Variants in GRIN2B observed in about 807,000 individuals in gnomAD.
GRIN2B encodes glutamate receptor ionotropic, NMDA 2B.
A neutral mutation model predicts 114.5 loss-of-function variants in GRIN2B; 5 were observed. That is an observed-to-expected ratio of 0.04 (90% CI 0.02 to 0.09). The LOEUF is 0.09. Ranked by LOEUF, GRIN2B falls within the 10% of genes least tolerant of loss-of-function variation. The probability of loss-of-function intolerance (pLI) is 1.00; values close to 1 mark genes in which losing one functional copy is unlikely to be tolerated. For synonymous variants in GRIN2B, 787 were observed against 745.1 expected (o/e 1.06, Z -0.92); for missense variants, 1,108 against 1,943.5 (o/e 0.57, Z 8.08).
chr12:13,868,282 A>T (rs982021883), intron 2 of GRIN2B, among the ~76,000 whole-genome samples: 1 of 152,210 alleles, frequency 6.6e-6, no homozygotes. Flanking sequence ...GAATGACTCC[A>T]TGAGCCCTGG....
intron 3 of GRIN2B, among the ~76,000 whole-genome samples, chr12:13,817,141 A>T (rs971723391): frequency 6.6e-6 from 1 of 152,132 alleles, no homozygotes; most frequent in Non-Finnish European, 1.5e-5. Flanking sequence ...AGAAGAATAA[A>T]AGTTTGGAAA....
In GRIN2B at chr12:13,554,748, A is replaced by G. The variant is rs980257193; in HGVS notation, c.*8035T>C. 7 of 152,332 alleles carry G rather than the reference A, an allele frequency of 4.6e-5. No homozygotes were observed. The highest frequency in any genetic ancestry group is 1.7e-4 in the African/African-American group (7 of 41,576). 9.4% of individuals were successfully genotyped at this position (152,332 alleles called of 1,614,324 possible). A position where few individuals can be genotyped will look rare whatever the true frequency, so the allele number is the denominator to read the frequency against. On this transcript the variant is annotated 3_prime_UTR_variant, in exon 14 of 14. Transcript: ENST00000609686. ...AGAAGGAAGGGTCTGAATGAAAAGG[A>G]AAGACTGGAAACCTTAGGGGGAAGA... is the stretch of plus-strand genomic sequence containing the variant.
intron 2 of GRIN2B, among the ~76,000 whole-genome samples, chr12:13,904,323 G>C (rs1866504508): frequency 6.6e-6 from 1 of 151,694 alleles, no homozygotes; most frequent in Non-Finnish European, 1.5e-5. Flanking sequence ...CTTAGTGATT[G>C]TCCTAGAAAT....
chr12:13,572,713 A>T (rs1467640146), intron 10 of GRIN2B, among the ~76,000 whole-genome samples: 1 of 152,190 alleles, frequency 6.6e-6, no homozygotes, highest in African/African-American at 2.4e-5. Context: ...TTGCTTCCTG[A>T]ACACAAAATT....
chr12:13,737,369 C>A (rs535167543), intron 4 of GRIN2B, among the ~76,000 whole-genome samples: 6 of 151,814 alleles, frequency 4.0e-5, no homozygotes, highest in Non-Finnish European at 1.5e-5. Flanking sequence ...CTGACACCAC[C>A]CCTGGCTAAT....
At chr12:13,782,944 G>T (rs1451910172) in intron 3 of GRIN2B, among the ~76,000 whole-genome samples, 1 of 152,188 alleles carries the variant, frequency 6.6e-6, no homozygotes, top group African/African-American at 2.4e-5. Flanking sequence ...GGGATACACT[G>T]TGTAAACACC....
At chr12:13,664,510 A>G (rs1949956097) in intron 5 of GRIN2B, among the ~76,000 whole-genome samples, 2 of 152,200 alleles carry the variant, frequency 1.3e-5, no homozygotes, top group South Asian at 4.1e-4. Flanking sequence ...AAAGTAGAAG[A>G]TAACTATAAA....
At chr12:13,880,763 T>G (rs561782364) in intron 2 of GRIN2B, among the ~76,000 whole-genome samples, 1 of 152,256 alleles carries the variant, frequency 6.6e-6, no homozygotes, top group South Asian at 2.1e-4. Context: ...CACATGAACC[T>G]AAGTACAATG....
At chr12:13,811,936 G>T (rs150326370) in intron 3 of GRIN2B, among the ~76,000 whole-genome samples, 1 of 152,160 alleles carries the variant, frequency 6.6e-6, no homozygotes, top group African/African-American at 2.4e-5. Context: ...AGGGATCCTT[G>T]AATTCCCTGA....
At chr12:13,658,389 C>T (rs1013040811) in intron 5 of GRIN2B, among the ~76,000 whole-genome samples, 1 of 152,046 alleles carries the variant, frequency 6.6e-6, no homozygotes, top group Non-Finnish European at 1.5e-5. Flanking sequence ...ATACTTTTGA[C>T]ATCAGACACA....
At chr12:13,866,323 T>C in intron 2 of GRIN2B, 97 bp from the exon 3 acceptor site, 1 of 1,055,756 alleles carries the variant, frequency 9.5e-7, no homozygotes, top group Non-Finnish European at 1.4e-6. Flanking sequence ...CCTTATCTCC[T>C]TTCATTGAGC....
At chr12:13,685,820 T>C (rs546459972) in intron 4 of GRIN2B, among the ~76,000 whole-genome samples, 1 of 152,276 alleles carries the variant, frequency 6.6e-6, no homozygotes, top group Non-Finnish European at 1.5e-5. Flanking sequence ...ATGGAGAAAG[T>C]GAACTGACAG....
intron 3 of GRIN2B, among the ~76,000 whole-genome samples, chr12:13,760,174 T>C (rs1863653022): frequency 1.3e-5 from 2 of 152,210 alleles, no homozygotes; most frequent in East Asian, 1.9e-4. Flanking sequence ...GACTACATGA[T>C]TACTTATTTG....
intron 4 of GRIN2B, among the ~76,000 whole-genome samples, chr12:13,732,898 G>A (rs1478460250): frequency 6.6e-6 from 1 of 152,180 alleles, no homozygotes; most frequent in Non-Finnish European, 1.5e-5. Flanking sequence ...AGTATATAAT[G>A]AGTGCCTGCA....
intron 4 of GRIN2B, among the ~76,000 whole-genome samples, chr12:13,702,056 G>A (rs1407352722): frequency 1.3e-5 from 2 of 152,120 alleles, no homozygotes; most frequent in African/African-American, 2.4e-5. Flanking sequence ...GCAATTTGCC[G>A]ACAAATAATC....
rs1007180343 is a variant in GRIN2B at position 13,573,226 on chromosome 12, C to T, written c.2011-1262G>A. On this transcript the variant is annotated intron_variant, in intron 10 of 13. Coordinates refer to ENST00000609686, the MANE Select transcript of GRIN2B (RefSeq NM_000834.5). ...CAGCACTTTGGGAGGCCGAGGCGGG[C>T]GGATCACGAGGTCAGGAGATCGAGA... 1.3e-4 allele frequency among the ~76,000 whole-genome samples: 20 copies of T among 149,186 alleles called. 3 individuals are homozygous for T. Among genetic ancestry groups the T allele is most frequent in the African/African-American group, 4.5e-4 (18 of 39,968 alleles).
rs940799008 is a variant in GRIN2B at position 13,786,675 on chromosome 12, G to A, written c.412-32760C>T. ...TTCCCACAGGTATCAGGGCTGAGGG[G>A]AAAAAAAAAAGGAAAAGAAAAAATC... On this transcript the variant is annotated intron_variant, in intron 3 of 13. Coordinates refer to ENST00000609686, the MANE Select transcript of GRIN2B (RefSeq NM_000834.5). Among the ~76,000 whole-genome samples, 62 of 133,038 alleles carry A rather than the reference G, an allele frequency of 4.7e-4. 1 individual carries two copies. The highest frequency in any genetic ancestry group is 3.6e-3 in the South Asian group (14 of 3,884). 87.3% of individuals were successfully genotyped at this position (133,038 alleles called of 152,430 possible). A position where few individuals can be genotyped will look rare whatever the true frequency, so the allele number is the denominator to read the frequency against.
rs531546442 is a variant in GRIN2B at position 13,559,040 on chromosome 12, G to A, written c.*3743C>T. 1 of 152,216 alleles carries A rather than the reference G, an allele frequency of 6.6e-6. No homozygotes were observed. Among genetic ancestry groups the A allele is most frequent in the Admixed American group, 6.5e-5 (1 of 15,298 alleles). The allele number at this position is 152,216 out of a possible 1,614,324, so 9.4% of individuals were successfully genotyped here. A position where few individuals can be genotyped will look rare whatever the true frequency, so the allele number is the denominator to read the frequency against. Reference sequence around the variant, plus strand: ...TTAGGTGCTCCTGAGGGTATCTGCGGAATCTCACAGTTTTGGATGGATTGG... The same window carrying A: ...TTAGGTGCTCCTGAGGGTATCTGCGAAATCTCACAGTTTTGGATGGATTGG... On this transcript the variant is annotated 3_prime_UTR_variant, in exon 14 of 14. Coordinates refer to ENST00000609686, the MANE Select transcript of GRIN2B (RefSeq NM_000834.5).
intron 4 of GRIN2B, among the ~76,000 whole-genome samples, chr12:13,724,003 G>A (rs1200583941): frequency 6.6e-6 from 1 of 152,100 alleles, no homozygotes; most frequent in African/African-American, 2.4e-5. Context: ...GGGACCTGGA[G>A]ACCCACGTGG....
Sources: allele counts gnomAD v4.1 joint callset (sites outside exome capture counted in the v4.1 genomes callset), GRCh38; gene constraint gnomAD v4.1.1; transcripts MANE v1.5; gene names NCBI Gene and HGNC (gene_info 2026-07-23, HGNC 2026-07-21).